The following STIP1 variants were observed in gnomAD, a reference collection of about 807,000 sequenced individuals.
The protein encoded by STIP1 is stress induced phosphoprotein 1, also known as stress-induced-phosphoprotein 1.
In STIP1, 16 loss-of-function variants were observed where a neutral mutation model predicts 77.4. The observed-to-expected ratio is 0.21, with a 90% CI of 0.14 to 0.31. The LOEUF is 0.31. STIP1 is among the 10% of genes least tolerant of loss of function. STIP1 has a pLI of 1.00. For missense variants in STIP1, 524 were observed against 684.8 expected, an observed-to-expected ratio of 0.77 and a Z score of 2.62; for synonymous variants, 258 against 246.6, an observed-to-expected ratio of 1.05 and a Z score of -0.44.
At chr11:64,185,776 CA>C, upstream of STIP1, 2 of 1,531,122 alleles carry the variant, frequency 1.3e-6, no homozygotes, top group Non-Finnish European at 1.7e-6. Context: ...AAAGAGTTGG[CA>C]ACCCTCCGCC....
rs1289984150 is a variant in STIP1, at chr11:64,200,220, C to T, written c.1172C>T (p.Pro391Leu). 2 of 1,613,976 alleles carry T rather than the reference C, an allele frequency of 1.2e-6. No individual in the cohort carries two copies. The highest frequency in any genetic ancestry group is 1.3e-5 in the African/African-American group (1 of 74,898). ...TATACAGAAGCCATCAAAAGGAACC[C>T]GAAAGATGCCAAATTATACAGCAAT... ...KHYTEAIKRN[P>L]KDAKLYSNRA... Residue 391 changes from proline to leucine, a missense_variant, in exon 10 of 14, where the codon CCG becomes CTG. Physicochemically the swap from Pro to Leu is moderately conservative, Grantham distance 98. Coordinates refer to ENST00000305218, the MANE Select transcript of STIP1 (RefSeq NM_006819.3).
At chr11:64,185,919 G>A, upstream of STIP1, 2 of 1,536,318 alleles carry the variant, frequency 1.3e-6, no homozygotes, top group Non-Finnish European at 1.7e-6. Flanking sequence ...CAGTGCAAAA[G>A]ACCAATCCGT....
At chr11:64,186,782 T>C (rs763615961) in intron 1 of STIP1, among the ~76,000 whole-genome samples, 3 of 151,434 alleles carry the variant, frequency 2.0e-5, no homozygotes, top group Non-Finnish European at 4.4e-5. Context: ...TAGCCGAGGA[T>C]CTTAGCAGCC....
At chr11:64,190,560 C>T (rs192998545) in intron 1 of STIP1, among the ~76,000 whole-genome samples, 95 of 152,294 alleles carry the variant, frequency 6.2e-4, no homozygotes, top group African/African-American at 2.3e-3. Flanking sequence ...GTTAATCTAC[C>T]CGCCTCAGCT....
intron 1 of STIP1, among the ~76,000 whole-genome samples, chr11:64,187,929 C>G (rs1946044109): frequency 6.6e-6 from 1 of 151,450 alleles, no homozygotes; most frequent in Non-Finnish European, 1.5e-5. Context: ...GACGTGAACC[C>G]TGGGGGCAGC....
At chr11:64,199,374 T>C (rs761042830) in intron 8 of STIP1, among the ~76,000 whole-genome samples, 2 of 145,762 alleles carry the variant, frequency 1.4e-5, no homozygotes, top group African/African-American at 2.5e-5. Flanking sequence ...GGTATGGTGG[T>C]GGGCGCCTGC....
chr11:64,198,946 T>A (rs980829205), intron 8 of STIP1, among the ~76,000 whole-genome samples: 3 of 151,760 alleles, frequency 2.0e-5, no homozygotes, highest in Non-Finnish European at 4.4e-5. Context: ...ACGCCTGTAA[T>A]CCCAGCACTT....
intron 1 of STIP1, among the ~76,000 whole-genome samples, chr11:64,190,090 T>C (rs975691308): frequency 6.6e-6 from 1 of 151,612 alleles, no homozygotes; most frequent in Non-Finnish European, 1.5e-5. Flanking sequence ...AGCCTCCGAC[T>C]CCCAGGTTCA....
chr11:64,198,753 G>GTT (rs371481270), intron 8 of STIP1, among the ~76,000 whole-genome samples: 16,497 of 110,908 alleles, frequency 0.15, 1,485 homozygotes, highest in Admixed American at 0.25. Context: ...TTTTTTTGTG[G>GTT]TTTTTTTTTT....
Position 64,204,348 on chromosome 11 carries a change from C to G in STIP1, c.*222C>G, listed in dbSNP as rs1269689511. The G allele has an allele frequency of 1.3e-5, 7 of 519,726 alleles. No homozygotes were observed. Among genetic ancestry groups the G allele is most frequent in the East Asian group, 6.5e-5 (2 of 30,712 alleles). 32.2% of individuals were successfully genotyped at this position (519,726 alleles called of 1,614,324 possible). A position where few individuals can be genotyped will look rare whatever the true frequency, so the allele number is the denominator to read the frequency against. On this transcript the variant is annotated 3_prime_UTR_variant, in exon 14 of 14. Transcript: ENST00000305218. Reference sequence around the variant, plus strand: ...CGCATGGTCTCTTCACCGCTGCCCTCGAGTTCCATGTCTCTTTCCCCTGCC... The same window carrying G: ...CGCATGGTCTCTTCACCGCTGCCCTGGAGTTCCATGTCTCTTTCCCCTGCC...
chr11:64,185,716 C>A, upstream of STIP1: 4 of 1,429,450 alleles, frequency 2.8e-6, no homozygotes, highest in Non-Finnish European at 3.7e-6. Context: ...ATATCAGGGG[C>A]GGGGCGAAAC....
At chr11:64,186,114 C>T, upstream of STIP1, 1 of 1,550,618 alleles carries the variant, frequency 6.4e-7, no homozygotes, top group African/African-American at 1.4e-5. Flanking sequence ...AGACATTCCC[C>T]CTAGAAGAAC....
Position 64,200,292 on chromosome 11 carries a change from A to G in STIP1, c.1244A>G (p.Lys415Arg). ...TKLLEFQLAL[K>R]DCEECIQLEP... ...CTCCTGGAGTTCCAGCTGGCACTCA[A>G]GGTGACGAGACCTGTGGGGGCGGCC... The change falls in exon 10 of 14, where the codon AAG becomes AGG. Residue 415 changes from lysine (K) to arginine (R), a missense_variant and splice_region_variant. By Grantham distance (26) the Lys-to-Arg change is conservative. Transcript: ENST00000305218. The G allele has an allele frequency of 6.2e-7, 1 of 1,609,738 alleles. No homozygotes were observed. Among genetic ancestry groups the G allele is most frequent in the Non-Finnish European group, 8.5e-7 (1 of 1,178,464 alleles).
chr11:64,198,215 C>T (rs1784459818), intron 8 of STIP1, among the ~76,000 whole-genome samples: 2 of 151,856 alleles, frequency 1.3e-5, no homozygotes, highest in South Asian at 4.2e-4. Context: ...GCCACCACGT[C>T]CAGCTAATTT....
intron 5 of STIP1, 192 bp downstream of exon 5, chr11:64,196,005 C>T: frequency 1.4e-6 from 1 of 723,084 alleles, no homozygotes; most frequent in Admixed American, 2.9e-5. Flanking sequence ...GCTAGGATTA[C>T]AGTCACGAGC....
intron 1 of STIP1, among the ~76,000 whole-genome samples, chr11:64,186,974 C>T (rs1053622992): frequency 6.6e-6 from 1 of 152,042 alleles, no homozygotes; most frequent in Non-Finnish European, 1.5e-5. Context: ...TATTGCGGCC[C>T]CTCCCCCTCT....
At position 64,194,199 on chromosome 11, in the gene STIP1, G is replaced by A. The variant is rs754758585; in HGVS notation, c.230G>A (p.Arg77Gln). Residue 77 changes from arginine (R) to glutamine (Q), a missense_variant, in exon 3 of 14, where the codon CGA becomes CAA. Coordinates refer to ENST00000305218, the MANE Select transcript of STIP1 (RefSeq NM_006819.3). ...LKPDWGKGYS[R>Q]KAAALEFLNR... is the part of the protein sequence containing the mutation. ...CTTTGGTGGTTTAAGGGCTATTCAC[G>A]AAAAGCAGCAGCTCTAGAGTTCTTA... 1 of 1,613,540 alleles carries A rather than the reference G, an allele frequency of 6.2e-7. No homozygotes were observed. The highest frequency in any genetic ancestry group is 8.5e-7 in the Non-Finnish European group (1 of 1,179,876).
At chr11:64,189,358 CA>C (rs879351379) in intron 1 of STIP1, among the ~76,000 whole-genome samples, 47 of 145,620 alleles carry the variant, frequency 3.2e-4, no homozygotes, top group Non-Finnish European at 2.3e-4. Context: ...GACTCCGTCT[CA>C]AAAAAAAAAA....
chr11:64,186,333 C>A, intron 1 of STIP1, 63 bp downstream of exon 1: 2 of 47,862 alleles, frequency 4.2e-5, no homozygotes, highest in South Asian at 2.2e-4. Context: ...GGCCAGGCCG[C>A]GGTAGGGGGG....
Sources: gnomAD v4.1 joint callset for allele counts (sites outside exome capture counted in the v4.1 genomes callset) on GRCh38, gnomAD v4.1.1 for gene constraint, MANE v1.5 for transcripts, NCBI Gene and HGNC (gene_info 2026-07-23, HGNC 2026-07-21) for gene names.